Variants in NOTCH4 observed in about 807,000 individuals in gnomAD.
The protein encoded by NOTCH4 is notch receptor 4.
A neutral mutation model predicts 189.0 loss-of-function variants in NOTCH4; 138 were observed. That is an observed-to-expected ratio of 0.73 (90% confidence interval 0.64 to 0.84). The LOEUF is 0.84. NOTCH4 is among the 40% of genes least tolerant of loss of function. NOTCH4 has a pLI of 0.00. For synonymous variants in NOTCH4, 942 were observed against 1,032.8 expected, an observed-to-expected ratio of 0.91 and a Z score of 1.69; for missense variants, 2,286 against 2,605.4, an observed-to-expected ratio of 0.88 and a Z score of 2.67.
In NOTCH4 at chr6:32,198,956, G is replaced by A; in HGVS notation, c.4505C>T (p.Pro1502Leu). 1 of 1,596,496 alleles carries A rather than the reference G, an allele frequency of 6.3e-7. No homozygotes were observed. The highest frequency in any genetic ancestry group is 8.5e-7 in the Non-Finnish European group (1 of 1,170,622). ...RTQSAPHRRR[P>L]PLGEDSIGLK... is the part of the protein sequence containing the mutation. ...ACCAATGCTGTCCTCGCCTAGTGGG[G>A]GCCGGCGTCGGTGGGGAGCTGACTG... is the stretch of plus-strand genomic sequence containing the variant. The change falls in exon 24 of 30, where the codon CCC becomes CTC. Residue 1502 changes from proline (P) to leucine (L), a missense_variant. Physicochemically the swap from Pro to Leu is moderately conservative, Grantham distance 98. Around this residue, in one of 2 missense-constraint regions of NOTCH4, gnomAD observed 1,903 missense variants for 2,261.9 expected, o/e 0.84. Transcript: ENST00000375023. This position sits in a 1 kb window ranked among gnomAD's most constrained non-coding sequence, Gnocchi z 5.5.
At chr6:32,203,375 G>T (rs1377497690) in intron 20 of NOTCH4, 1 of 188,946 alleles carries the variant, frequency 5.3e-6, no homozygotes, top group Non-Finnish European at 1.1e-5. Context: ...TAAAATAAAA[G>T]AAGACCAGGC....
In NOTCH4 at chr6:32,220,529, A is replaced by G. The variant is rs2127487515; in HGVS notation, c.1035T>C (p.Ser345=). The change falls in exon 6 of 30, where the codon AGT becomes AGC. Residue 345 remains serine (S), a synonymous_variant. Coordinates refer to ENST00000375023, the MANE Select transcript of NOTCH4 (RefSeq NM_004557.4). The part of the protein sequence containing the change: ...SAGSFHCVCV[S]GWGGTSCEEN... ...CCTCACAGCTTGTGCCGCCCCAGCC[A>G]CTCACACACACGCAGTGAAAGCTAC... 2 of 1,613,662 alleles carry G rather than the reference A, an allele frequency of 1.2e-6. No homozygotes were observed. Among genetic ancestry groups the G allele is most frequent in the South Asian group, 2.2e-5 (2 of 91,090 alleles).
rs1376525849 is a variant in NOTCH4 at position 32,212,500 on chromosome 6, G to A, written c.2654C>T (p.Ser885Phe). 6.2e-7 allele frequency: 1 copy of A among 1,612,490 alleles called. No individual in the cohort carries two copies. Among genetic ancestry groups the A allele is most frequent in the Non-Finnish European group, 8.5e-7 (1 of 1,179,592 alleles). ...TTGGCTCAGTGCAGCCTTCTGGCAGGAGGACAGTGGAAGGTTGCAGAGAGG... is the reference window on the plus strand; with the variant it reads ...TTGGCTCAGTGCAGCCTTCTGGCAGAAGGACAGTGGAAGGTTGCAGAGAGG... ...TGPLCNLPLSSCQKAALSQGI... is the reference protein window; with the variant it reads ...TGPLCNLPLSFCQKAALSQGI... Residue 885 changes from serine to phenylalanine, a missense_variant, in exon 17 of 30, where the codon TCC becomes TTC. Physicochemically the swap from Ser to Phe is radical, Grantham distance 155 (BLOSUM62 -2). Coordinates refer to ENST00000375023, the MANE Select transcript of NOTCH4 (RefSeq NM_004557.4). The surrounding 1 kb of genome is among the most constrained non-coding windows in gnomAD (Gnocchi z 4.4).
At chr6:32,196,831 G>A in intron 28 of NOTCH4, 94 bp downstream of exon 28, 1 of 1,463,592 alleles carries the variant, frequency 6.8e-7, no homozygotes, top group Non-Finnish European at 9.4e-7. Context: ...GGATGAGAGG[G>A]AATGCCCCTC....
In NOTCH4 at chr6:32,220,964, C is replaced by CT; in HGVS notation, c.799+13dup. 6.3e-7 allele frequency: 1 copy of CT among 1,595,748 alleles called. No homozygotes were observed. The highest frequency in any genetic ancestry group is 8.5e-7 in the Non-Finnish European group (1 of 1,169,610). On this transcript the variant is annotated intron_variant, in intron 4 of 29. Transcript: ENST00000375023. ...AGAGAGAGGGGCGGCCGGAGAGCCCCTGTGAGGACACACCTGGGGGACAGA... is the reference window on the plus strand; with the variant it reads ...AGAGAGAGGGGCGGCCGGAGAGCCCCTTGTGAGGACACACCTGGGGGACAGA...
chr6:32,213,551 A>T, intron 14 of NOTCH4, 137 bp downstream of exon 14: 1 of 1,098,168 alleles, frequency 9.1e-7, no homozygotes, highest in Non-Finnish European at 1.3e-6. Context: ...GTGCCCAGCT[A>T]ATTTAGAGAT....
intron 18 of NOTCH4, among the ~76,000 whole-genome samples, chr6:32,209,330 TGGTTACCAGA>T (rs1310999333): frequency 2.0e-5 from 3 of 152,120 alleles, no homozygotes; most frequent in African/African-American, 7.2e-5. Context: ...GGTAGAATGA[TGGTTACCAGA>T]GGTTAGAAAG....
chr6:32,201,430 C>T lies in NOTCH4; in HGVS notation c.3826G>A (p.Glu1276Lys), dbSNP rs139568674. The T allele has an allele frequency of 6.5e-7, 1 of 1,547,112 alleles. No homozygotes were observed. Among genetic ancestry groups the T allele is most frequent in the Non-Finnish European group, 8.7e-7 (1 of 1,148,696 alleles). The part of the protein sequence containing the change: ...GHCEKGCNTA[E>K]CGWDGGDCRP... ...CAGTCACCTCCATCCCAGCCACACT[C>T]TGCAGTGTTGCAGCCTTTCTCACAG... The change falls in exon 22 of 30, where the codon GAG becomes AAG. Residue 1276 changes from glutamate to lysine, a missense_variant. Physicochemically the swap from Glu to Lys is moderately conservative, Grantham distance 56 (BLOSUM62 1). Coordinates refer to ENST00000375023, the MANE Select transcript of NOTCH4 (RefSeq NM_004557.4). This position sits in a 1 kb window ranked among gnomAD's most constrained non-coding sequence, Gnocchi z 5.5.
Position 32,196,018 on chromosome 6 carries a change from T to C in NOTCH4, c.5431A>G (p.Asn1811Asp). 6.3e-7 allele frequency: 1 copy of C among 1,599,166 alleles called. No homozygotes were observed. Among genetic ancestry groups the C allele is most frequent in the Non-Finnish European group, 8.5e-7 (1 of 1,178,898 alleles). Residue 1811 changes from asparagine to aspartate, a missense_variant, in exon 30 of 30, where the codon AAC becomes GAC. Physicochemically the swap from Asn to Asp is conservative, Grantham distance 23. Around this residue, in one of 2 missense-constraint regions of NOTCH4, gnomAD observed 383 missense variants for 343.5 expected, o/e 1.11. Transcript: ENST00000375023. ...LAPADVAHQRNHWDLLTLLEG... is the reference protein window; with the variant it reads ...LAPADVAHQRDHWDLLTLLEG... ...AGCAGCGTCAGCAGATCCCAGTGGT[T>C]ACGTTGGTGAGCGACGTCCGCCGGC... is the stretch of plus-strand genomic sequence containing the variant.
Position 32,220,195 on chromosome 6 carries a change from G to A in NOTCH4, c.1249C>T (p.Leu417Phe). The A allele has an allele frequency of 1.2e-6, 2 of 1,614,012 alleles. No homozygotes were observed. The highest frequency in any genetic ancestry group is 1.7e-4 in the Middle Eastern group (1 of 6,040). ...CSTNPLTGSTLCLCQPGYSGP... is the reference protein window; with the variant it reads ...CSTNPLTGSTFCLCQPGYSGP... Reference sequence around the variant, plus strand: ...GAATAGCCAGGCTGACACAGGCAGAGTGTGGAGCCTGTGAGGGGGTTGGTG... The same window carrying A: ...GAATAGCCAGGCTGACACAGGCAGAATGTGGAGCCTGTGAGGGGGTTGGTG... The change falls in exon 7 of 30, where the codon CTC (leucine) becomes TTC (phenylalanine). Residue 417 changes from leucine to phenylalanine, a missense_variant. Around this residue, in one of 2 missense-constraint regions of NOTCH4, gnomAD observed 1,903 missense variants for 2,261.9 expected, o/e 0.84. Transcript: ENST00000375023.
rs1052946277 is a variant in NOTCH4, at chr6:32,194,853, A to G, written c.*584T>C. ...TCCTCCAAAAAAAGGTAACACTTCAAATCAGCTTTATTATGGGTGACAGAT... is the reference window on the plus strand; with the variant it reads ...TCCTCCAAAAAAAGGTAACACTTCAGATCAGCTTTATTATGGGTGACAGAT... On this transcript the variant is annotated 3_prime_UTR_variant, in exon 30 of 30. Coordinates refer to ENST00000375023, the MANE Select transcript of NOTCH4 (RefSeq NM_004557.4). The surrounding 1 kb of genome is among the most constrained non-coding windows in gnomAD (Gnocchi z 4.5). The G allele has an allele frequency of 3.7e-4, 86 of 233,286 alleles. No individual in the cohort carries two copies. Among genetic ancestry groups the G allele is most frequent in the African/African-American group, 1.8e-3 (82 of 45,448 alleles). The allele number at this position is 233,286 out of a possible 1,614,324, so 14.5% of individuals were successfully genotyped here. A position where few individuals can be genotyped will look rare whatever the true frequency, so the allele number is the denominator to read the frequency against.
At chr6:32,197,120 A>G (rs769586441) in intron 27 of NOTCH4, 48 bp from the exon 28 acceptor site, 49 of 1,600,180 alleles carry the variant, frequency 3.1e-5, no homozygotes, top group Non-Finnish European at 4.1e-5. Flanking sequence ...TGGACTGCCA[A>G]CTCGAGTTCC....
chr6:32,221,269 C>T lies in NOTCH4; in HGVS notation c.508G>A (p.Val170Met). Reference protein sequence around the residue: ...CSANPCVNGGVCLATYPQIQC... With the variant: ...CSANPCVNGGMCLATYPQIQC... ...ATCTGGGGGTATGTGGCCAGACACA[C>T]CCCTCCATTAACACATGGGTTGGCT... Residue 170 changes from valine (V) to methionine (M), a missense_variant, in exon 4 of 30, where the codon GTG (valine) becomes ATG (methionine). Val to Met is a conservative substitution (Grantham distance 21, BLOSUM62 1). Transcript: ENST00000375023. This position sits in a 1 kb window ranked among gnomAD's most constrained non-coding sequence, Gnocchi z 4.3. 1 of 1,613,008 alleles carries T rather than the reference C, an allele frequency of 6.2e-7. No homozygotes were observed. Among genetic ancestry groups the T allele is most frequent in the Non-Finnish European group, 8.5e-7 (1 of 1,179,974 alleles).
chr6:32,201,374 C>A lies in NOTCH4; in HGVS notation c.3882G>T (p.Gly1294=). The A allele has an allele frequency of 6.3e-7, 1 of 1,594,054 alleles. No homozygotes were observed. The highest frequency in any genetic ancestry group is 1.3e-5 in the African/African-American group (1 of 74,558). Residue 1294 remains glycine, a synonymous_variant, in exon 22 of 30, where the codon GGG becomes GGT. Coordinates refer to ENST00000375023, the MANE Select transcript of NOTCH4 (RefSeq NM_004557.4). The surrounding 1 kb of genome is among the most constrained non-coding windows in gnomAD (Gnocchi z 5.5). ...GTACCACCAGCAGGGCCAGGGAGGGCCCCCACTCTGGGTCCCCATCTTCAG... is the reference window on the plus strand; with the variant it reads ...GTACCACCAGCAGGGCCAGGGAGGGACCCCACTCTGGGTCCCCATCTTCAG... The part of the protein sequence containing the change: ...CRPEDGDPEW[G]PSLALLVVLS...
At chr6:32,220,665 G>A (rs371419709) in intron 5 of NOTCH4, 24 bp from the exon 6 acceptor site, 45 of 1,612,560 alleles carry the variant, frequency 2.8e-5, no homozygotes, top group Admixed American at 2.0e-4. Context: ...GGGAGGGGAC[G>A]AGGGCTAAGG....
chr6:32,206,993 C>T (rs1021642502), intron 18 of NOTCH4, among the ~76,000 whole-genome samples: 9 of 151,040 alleles, frequency 6.0e-5, no homozygotes, highest in East Asian at 2.0e-4. Flanking sequence ...TGCAATGGCA[C>T]GATCTGGCTC....
In NOTCH4 at chr6:32,195,905, T is replaced by G; in HGVS notation, c.5544A>C (p.Val1848=). ...GPFPRARTVS[V]SVPPHGGGAL... The stretch of plus-strand genomic sequence containing the variant: ...CCCCGCCCCCATGCGGGGGCACGCT[T>G]ACTGACACCGTCCGTGCGCGCGGGA... The change falls in exon 30 of 30, where the codon GTA becomes GTC. Residue 1848 remains valine (V), a synonymous_variant. Coordinates refer to ENST00000375023, the MANE Select transcript of NOTCH4 (RefSeq NM_004557.4). This position sits in a 1 kb window ranked among gnomAD's most constrained non-coding sequence, Gnocchi z 5.4. 1.9e-6 allele frequency: 3 copies of G among 1,587,946 alleles called. No homozygotes were observed. The highest frequency in any genetic ancestry group is 2.6e-6 in the Non-Finnish European group (3 of 1,174,672).
In NOTCH4 at chr6:32,215,324, C is replaced by CTTACA; in HGVS notation, c.1918_1922dup (p.Lys641AsnfsTer54). 6.2e-7 allele frequency: 1 copy of CTTACA among 1,610,128 alleles called. No individual in the cohort carries two copies. Among genetic ancestry groups the CTTACA allele is most frequent in the African/African-American group, 1.3e-5 (1 of 75,010 alleles). ...GGCAGTTGGCCTTGTCTTTCTGGTC[C>CTTACA]TTACATATCTGCTTGGGCTGGCACA... On this transcript the variant is annotated frameshift_variant, in exon 12 of 30. Coordinates refer to ENST00000375023, the MANE Select transcript of NOTCH4 (RefSeq NM_004557.4). LOFTEE classifies it high-confidence loss of function.
chr6:32,213,624 C>T (rs2127478739), intron 14 of NOTCH4, 64 bp downstream of exon 14: 1 of 1,550,598 alleles, frequency 6.4e-7, no homozygotes. Context: ...ATGACACAAG[C>T]ATACCCTCCT....
Sources: allele counts gnomAD v4.1 joint callset (sites outside exome capture counted in the v4.1 genomes callset), GRCh38; gene constraint gnomAD v4.1.1; regional missense constraint gnomAD v4.1.1; non-coding constraint Gnocchi (gnomAD v3.1); transcripts MANE v1.5; gene names NCBI Gene and HGNC (gene_info 2026-07-23, HGNC 2026-07-21).